Variants in SLC6A17 observed in about 807,000 individuals in gnomAD.
SLC6A17 encodes the protein sodium-dependent neutral amino acid transporter SLC6A17.
In SLC6A17, 21 loss-of-function variants were observed where a neutral mutation model predicts 64.5. That is an observed-to-expected ratio of 0.33 (90% CI 0.23 to 0.47). The LOEUF (loss-of-function observed/expected upper bound fraction) is 0.47, where lower values mean the gene tolerates loss of function less well. Ranked by LOEUF, SLC6A17 falls within the 20% of genes least tolerant of loss-of-function variation. The pLI, the probability that SLC6A17 is intolerant of heterozygous loss-of-function variation, is 1.00. For synonymous variants in SLC6A17, 372 were observed against 399.5 expected, an observed-to-expected ratio of 0.93 and a Z score of 0.82; for missense variants, 682 against 963.2, an observed-to-expected ratio of 0.71 and a Z score of 3.86.
At position 110,198,410 on chromosome 1, in the gene SLC6A17, A is replaced by G. The variant is rs1481977203; in HGVS notation, c.2150A>G (p.Tyr717Cys). 3.7e-6 allele frequency: 6 copies of G among 1,613,204 alleles called. No homozygotes were observed. Among genetic ancestry groups the G allele is most frequent in the Non-Finnish European group, 5.1e-6 (6 of 1,179,770 alleles). The change falls in exon 12 of 12, where the codon TAC (tyrosine) becomes TGC (cysteine). Residue 717 changes from tyrosine (Y) to cysteine (C), a missense_variant. By Grantham distance (194) the Tyr-to-Cys change is radical. Transcript: ENST00000331565. ...GNPNGRYGSG[Y>C]LLASTPESEL ...CCCAATGGACGCTATGGGAGCGGCT[A>G]CCTGCTGGCCAGCACCCCTGAGTCG... is the stretch of plus-strand genomic sequence containing the variant.
At chr1:110,173,856 C>A in intron 3 of SLC6A17, 117 bp from the exon 4 acceptor site, 1 of 1,459,982 alleles carries the variant, frequency 6.8e-7, no homozygotes, top group Admixed American at 2.2e-5. Flanking sequence ...CCTTGCCTCT[C>A]TTGAGGCTGT....
chr1:110,182,338 T>C (rs2100937639), intron 6 of SLC6A17, among the ~76,000 whole-genome samples: 1 of 152,226 alleles, frequency 6.6e-6, no homozygotes, highest in Non-Finnish European at 1.5e-5. Flanking sequence ...GTGGGGAACA[T>C]CAAGAGTACT....
chr1:110,192,650 C>T lies in SLC6A17; in HGVS notation c.1251C>T (p.Phe417=). ...TCATGACCGTGAAGGAGGACCAGTT[C>T]TCAGCCCTGGGCCTTGACCCCTGCC... ...NVIMTVKEDQ[F]SALGLDPCLL... The change falls in exon 8 of 12, where the codon TTC becomes TTT. Residue 417 remains phenylalanine (F), a synonymous_variant. Transcript: ENST00000331565. The surrounding 1 kb of genome is among the most constrained non-coding windows in gnomAD (Gnocchi z 4.3). 6.2e-7 allele frequency: 1 copy of T among 1,614,106 alleles called. No homozygotes were observed. Among genetic ancestry groups the T allele is most frequent in the African/African-American group, 1.3e-5 (1 of 75,018 alleles).
chr1:110,154,987 G>C (rs1393866961), intron 1 of SLC6A17, among the ~76,000 whole-genome samples: 1 of 152,014 alleles, frequency 6.6e-6, no homozygotes, highest in Non-Finnish European at 1.5e-5. Context: ...ACACGTGTCC[G>C]TGGCCGTTCT....
At chr1:110,154,943 A>G (rs1655716703) in intron 1 of SLC6A17, among the ~76,000 whole-genome samples, 1 of 152,150 alleles carries the variant, frequency 6.6e-6, no homozygotes. Flanking sequence ...TTTCCCACAG[A>G]GAGCCCACTT....
Position 110,194,714 on chromosome 1 carries a change from GC to G in SLC6A17, c.1436del (p.Ala479GlufsTer78). On this transcript the variant is annotated frameshift_variant, in exon 9 of 12. Coordinates refer to ENST00000331565, the MANE Select transcript of SLC6A17 (RefSeq NM_001010898.4). LOFTEE classifies it high-confidence loss of function. ...LGLGSMIGTM[A>X]GITTPIIDTF... ...CCTGGGCAGCATGATCGGGACCATG[GC>G]AGGCATCACCACGCCCATCATCGAC... The G allele has an allele frequency of 1.2e-6, 2 of 1,614,144 alleles. No homozygotes were observed. Among genetic ancestry groups the G allele is most frequent in the Non-Finnish European group, 1.7e-6 (2 of 1,180,030 alleles).
Position 110,166,990 on chromosome 1 carries a change from G to A in SLC6A17, c.61G>A (p.Val21Met), listed in dbSNP as rs969250027. 1.2e-5 allele frequency: 19 copies of A among 1,613,660 alleles called. No individual in the cohort carries two copies. Among genetic ancestry groups the A allele is most frequent in the East Asian group, 1.1e-4 (5 of 44,888 alleles). The change falls in exon 2 of 12, where the codon GTG (valine) becomes ATG (methionine). Residue 21 changes from valine to methionine, a missense_variant. By Grantham distance (21) the Val-to-Met change is conservative. This residue lies in a region of SLC6A17 where 415 missense variants were observed against 603.8 expected (regional missense o/e 0.69). Coordinates refer to ENST00000331565, the MANE Select transcript of SLC6A17 (RefSeq NM_001010898.4). ...EHSSEHVTESVADLLALEEPV... is the reference protein window; with the variant it reads ...EHSSEHVTESMADLLALEEPV... ...CAGCAGTGAGCATGTCACTGAGTCC[G>A]TGGCCGACCTGCTGGCCCTCGAGGA...
At position 110,200,158 on chromosome 1, in the gene SLC6A17, T is replaced by C; in HGVS notation, c.*1714T>C. 1 of 398,016 alleles carries C rather than the reference T, an allele frequency of 2.5e-6. No homozygotes were observed. Among genetic ancestry groups the C allele is most frequent in the Non-Finnish European group, 4.4e-6 (1 of 225,936 alleles). 24.7% of individuals were successfully genotyped at this position (398,016 alleles called of 1,614,324 possible). A position where few individuals can be genotyped will look rare whatever the true frequency, so the allele number is the denominator to read the frequency against. On this transcript the variant is annotated 3_prime_UTR_variant, in exon 12 of 12. Coordinates refer to ENST00000331565, the MANE Select transcript of SLC6A17 (RefSeq NM_001010898.4). Reference sequence around the variant, plus strand: ...CTGGAGGGACAGACCAGAATCAGGGTCCCCTCCTTTACCCCTGAGTTCCTT... The same window carrying C: ...CTGGAGGGACAGACCAGAATCAGGGCCCCCTCCTTTACCCCTGAGTTCCTT...
chr1:110,162,104 G>A (rs1332207125), intron 1 of SLC6A17, among the ~76,000 whole-genome samples: 1 of 152,266 alleles, frequency 6.6e-6, no homozygotes, highest in Non-Finnish European at 1.5e-5. Context: ...TTTCAGGGAT[G>A]GAGGCACTCC....
chr1:110,200,270 C>G lies in SLC6A17; in HGVS notation c.*1826C>G, dbSNP rs1340191679. The G allele has an allele frequency of 1.3e-5, 5 of 394,700 alleles. No homozygotes were observed. In the East Asian group the frequency reaches 1.8e-4, roughly 14 times the overall value. 24.4% of individuals were successfully genotyped at this position (394,700 alleles called of 1,614,324 possible). On this transcript the variant is annotated 3_prime_UTR_variant, in exon 12 of 12. Coordinates refer to ENST00000331565, the MANE Select transcript of SLC6A17 (RefSeq NM_001010898.4). Reference sequence around the variant, plus strand: ...CTCTTCCACAGCTTCCCCTTTCTAGCCCCCTCTGCCCTACCTGTCTTTCCT... The same window carrying G: ...CTCTTCCACAGCTTCCCCTTTCTAGGCCCCTCTGCCCTACCTGTCTTTCCT...
chr1:110,180,430 C>T (rs1239948571), intron 6 of SLC6A17, among the ~76,000 whole-genome samples: 3 of 152,210 alleles, frequency 2.0e-5, no homozygotes, highest in African/African-American at 7.2e-5. Context: ...CCATCTTACA[C>T]CCCATGGTTG....
At chr1:110,163,370 G>A (rs1203055551) in intron 1 of SLC6A17, among the ~76,000 whole-genome samples, 3 of 152,090 alleles carry the variant, frequency 2.0e-5, no homozygotes, top group African/African-American at 7.2e-5. Flanking sequence ...GGATTGATGG[G>A]ACCAAATATC....
chr1:110,176,376 C>G (rs771937662), intron 5 of SLC6A17, among the ~76,000 whole-genome samples: 6 of 152,138 alleles, frequency 3.9e-5, no homozygotes, highest in Non-Finnish European at 8.8e-5. Context: ...GCTGTTAGCT[C>G]AGCCCCAGAA....
At chr1:110,160,586 A>G (rs2101839174) in intron 1 of SLC6A17, among the ~76,000 whole-genome samples, 1 of 152,380 alleles carries the variant, frequency 6.6e-6, no homozygotes, top group South Asian at 2.1e-4. Flanking sequence ...CAGACAGCCA[A>G]ATAGTAAAAT....
intron 3 of SLC6A17, 22 bp from the exon 4 acceptor site, chr1:110,173,951 C>T (rs372157823): frequency 3.6e-5 from 58 of 1,611,188 alleles, no homozygotes; most frequent in Non-Finnish European, 4.8e-5. Context: ...CCTCAGTGAC[C>T]CCGCAGTGGG....
chr1:110,154,504 T>A (rs1225422736), intron 1 of SLC6A17, among the ~76,000 whole-genome samples: 1 of 152,144 alleles, frequency 6.6e-6, no homozygotes, highest in South Asian at 2.1e-4. Context: ...AAAACAAACA[T>A]AACCAAACGT....
chr1:110,175,093 G>A, intron 5 of SLC6A17, 133 bp downstream of exon 5: 3 of 1,157,620 alleles, frequency 2.6e-6, no homozygotes, highest in Non-Finnish European at 3.6e-6. Flanking sequence ...AGAGGAGGGT[G>A]TGGAAGTATC....
intron 10 of SLC6A17, 58 bp from the exon 11 acceptor site, chr1:110,197,379 G>A: frequency 6.4e-7 from 1 of 1,555,738 alleles, no homozygotes; most frequent in Non-Finnish European, 8.7e-7. Context: ...GGTGATGGGG[G>A]AAGAGGGAGG....
At chr1:110,155,862 G>T (rs1376375487) in intron 1 of SLC6A17, among the ~76,000 whole-genome samples, 1 of 152,108 alleles carries the variant, frequency 6.6e-6, no homozygotes, top group African/African-American at 2.4e-5. Context: ...AGACTCCTGG[G>T]TTCCTGAGGC....
Sources: gnomAD v4.1 joint callset for allele counts (sites outside exome capture counted in the v4.1 genomes callset) on GRCh38, gnomAD v4.1.1 for gene constraint, gnomAD v4.1.1 regional missense constraint, Gnocchi (gnomAD v3.1) non-coding constraint, MANE v1.5 for transcripts, NCBI Gene and HGNC (gene_info 2026-07-23, HGNC 2026-07-21) for gene names.